BMPR1B: variants seen among roughly 807,000 people sequenced by gnomAD.
The protein encoded by BMPR1B is bone morphogenetic protein receptor type 1B, also known as bone morphogenetic protein receptor type-1B.
Under a neutral mutation model 59.1 loss-of-function variants are expected in BMPR1B, and 12 were observed. That is an observed-to-expected ratio of 0.20 (90% CI 0.13 to 0.33). BMPR1B has a LOEUF of 0.33. Among genes scored for constraint, BMPR1B ranks in the 10% least tolerant of loss-of-function variants. The pLI is 1.00. For missense variants in BMPR1B, 550 were observed against 610.9 expected (o/e 0.90, Z 1.05); for synonymous variants, 237 against 207.3 (o/e 1.14, Z -1.23).
intron 3 of BMPR1B, among the ~76,000 whole-genome samples, chr4:95,066,781 C>T (rs1243354085): frequency 6.6e-6 from 1 of 152,066 alleles, no homozygotes; most frequent in Non-Finnish European, 1.5e-5. Flanking sequence ...TTTTTGAGCC[C>T]AGAGATCCAT....
intron 3 of BMPR1B, among the ~76,000 whole-genome samples, chr4:95,097,128 A>C (rs1318098115): frequency 1.4e-5 from 1 of 69,098 alleles, no homozygotes; most frequent in Non-Finnish European, 3.2e-5. Flanking sequence ...TTATATATTA[A>C]TTTATATATA....
intron 6 of BMPR1B, among the ~76,000 whole-genome samples, chr4:95,116,404 C>A (rs568075249): frequency 7.1e-6 from 1 of 140,796 alleles, no homozygotes; most frequent in Non-Finnish European, 1.5e-5. Flanking sequence ...TTCTCCTCCT[C>A]CATGCTTTCA....
chr4:94,825,278 G>C (rs1724343489), intron 1 of BMPR1B, among the ~76,000 whole-genome samples: 1 of 152,164 alleles, frequency 6.6e-6, no homozygotes, highest in East Asian at 1.9e-4. Context: ...TGAGGCAGGA[G>C]GATCTATTGA....
intron 12 of BMPR1B, among the ~76,000 whole-genome samples, chr4:95,153,263 C>G (rs916246506): frequency 6.6e-6 from 1 of 152,148 alleles, no homozygotes; most frequent in Non-Finnish European, 1.5e-5. Context: ...AACAAATCCA[C>G]CTTCAGCTTG....
chr4:94,891,485 G>T (rs796945343), intron 2 of BMPR1B, among the ~76,000 whole-genome samples: 5 of 152,182 alleles, frequency 3.3e-5, no homozygotes, highest in African/African-American at 1.2e-4. Flanking sequence ...AAAAACTTAA[G>T]AAGTATTATA....
intron 1 of BMPR1B, among the ~76,000 whole-genome samples, chr4:94,808,349 G>T (rs1289486979): frequency 6.6e-6 from 1 of 152,004 alleles, no homozygotes; most frequent in Non-Finnish European, 1.5e-5. Flanking sequence ...ATTTTAGATT[G>T]GTCATAATTA....
At chr4:94,824,736 AAAAATGGGG>A (rs1447808292) in intron 1 of BMPR1B, among the ~76,000 whole-genome samples, 1 of 152,144 alleles carries the variant, frequency 6.6e-6, no homozygotes, top group Non-Finnish European at 1.5e-5. Context: ...GATCTTGGGG[AAAAATGGGG>A]AAAATTTGGT....
intron 10 of BMPR1B, among the ~76,000 whole-genome samples, chr4:95,134,026 C>A (rs762172357): frequency 1.3e-5 from 2 of 152,100 alleles, no homozygotes; most frequent in African/African-American, 2.4e-5. Context: ...ATCCCTCCCC[C>A]CTCCACCCCA....
chr4:94,862,388 T>G (rs1378357553), intron 1 of BMPR1B, among the ~76,000 whole-genome samples: 2 of 150,180 alleles, frequency 1.3e-5, no homozygotes, highest in Non-Finnish European at 3.0e-5. Context: ...TGACCTCAGG[T>G]GAGCCACCTG....
intron 2 of BMPR1B, among the ~76,000 whole-genome samples, chr4:94,971,815 A>G (rs1322651329): frequency 6.6e-6 from 1 of 152,046 alleles, no homozygotes; most frequent in African/African-American, 2.4e-5. Context: ...ATATACTCCT[A>G]TAATTTTAAA....
intron 3 of BMPR1B, among the ~76,000 whole-genome samples, chr4:95,014,106 C>G (rs1362446822): frequency 6.6e-6 from 1 of 152,102 alleles, no homozygotes; most frequent in African/African-American, 2.4e-5. Context: ...GGTTGTCTGA[C>G]AGGTTTAAGT....
intron 2 of BMPR1B, among the ~76,000 whole-genome samples, chr4:94,942,715 TG>T (rs1456894914): frequency 6.6e-6 from 1 of 152,236 alleles, no homozygotes; most frequent in Non-Finnish European, 1.5e-5. Flanking sequence ...ATGCCGTTAT[TG>T]AACTGAATTC....
rs1046507734 is a variant in BMPR1B, at chr4:94,889,540, A to G, written c.-113+13640A>G. ...CTCAAAAGGTGTTTATCAAAAACAA[A>G]TAAAAGGTGTTGTGCTTTGTTTTGA... is the stretch of plus-strand genomic sequence containing the variant. On this transcript the variant is annotated intron_variant, in intron 2 of 12. Transcript: ENST00000515059. Among the ~76,000 whole-genome samples the G allele has an allele frequency of 3.9e-5, 6 of 152,266 alleles. 2 individuals are homozygous for G. Among genetic ancestry groups the G allele is most frequent in the Middle Eastern group, 6.8e-3 (2 of 294 alleles).
chr4:95,121,631 A>G (rs1323716294), intron 6 of BMPR1B, among the ~76,000 whole-genome samples: 2 of 152,228 alleles, frequency 1.3e-5, no homozygotes, highest in Non-Finnish European at 2.9e-5. Flanking sequence ...TTGAGAAGGC[A>G]AGATAATTAT....
At chr4:94,788,762 A>G (rs1341104731) in intron 1 of BMPR1B, among the ~76,000 whole-genome samples, 1 of 152,134 alleles carries the variant, frequency 6.6e-6, no homozygotes, top group African/African-American at 2.4e-5. Context: ...GAGAGTGCAA[A>G]TTAATCTGAG....
chr4:94,866,142 C>T (rs577865033), intron 1 of BMPR1B, among the ~76,000 whole-genome samples: 45 of 152,290 alleles, frequency 3.0e-4, no homozygotes, highest in Non-Finnish European at 5.4e-4. Flanking sequence ...CTGTTTATCC[C>T]ATATGTTATC....
At chr4:94,985,509 C>CTGTGTGTGTGTGTG (rs60003954) in intron 2 of BMPR1B, among the ~76,000 whole-genome samples, 4 of 138,792 alleles carry the variant, frequency 2.9e-5, no homozygotes, top group African/African-American at 5.3e-5. Flanking sequence ...AAAATAAGAG[C>CTGTGTGTGTGTGTG]TGTGTGTGTG....
At chr4:94,829,743 C>G (rs1315895494) in intron 1 of BMPR1B, among the ~76,000 whole-genome samples, 3 of 152,060 alleles carry the variant, frequency 2.0e-5, no homozygotes, top group Non-Finnish European at 4.4e-5. Context: ...GTAAGGAAGT[C>G]CAAGGTGCTA....
At position 95,131,576 on chromosome 4, in the gene BMPR1B, C is replaced by T. The variant is rs530272151; in HGVS notation, c.1076+64C>T. On this transcript the variant is annotated intron_variant, in intron 10 of 12. Coordinates refer to ENST00000515059, the MANE Select transcript of BMPR1B (RefSeq NM_001203.3). The stretch of plus-strand genomic sequence containing the variant: ...TTTTCTGTTACTTTTTATTTTGTAG[C>T]GCAGTGCTTCTAGGATATTTAGTAG... The T allele has an allele frequency of 5.3e-5, 83 of 1,553,498 alleles. No individual in the cohort carries two copies. The East Asian group carries it at 1.3e-3, about 24-fold the overall frequency.
Sources: gnomAD v4.1 joint callset for allele counts (sites outside exome capture counted in the v4.1 genomes callset) on GRCh38, gnomAD v4.1.1 for gene constraint, MANE v1.5 for transcripts, NCBI Gene and HGNC (gene_info 2026-07-23, HGNC 2026-07-21) for gene names.